Variants in SEMA6D observed in about 807,000 individuals in gnomAD.
The protein encoded by SEMA6D is semaphorin 6D, also known as semaphorin-6D.
In SEMA6D, 35 loss-of-function variants were observed where a neutral mutation model predicts 106.6. The observed-to-expected ratio is 0.33, with a 90% confidence interval of 0.25 to 0.44. The LOEUF is 0.44. Among genes scored for constraint, SEMA6D ranks in the 20% least tolerant of loss-of-function variants. The pLI is 1.00. For synonymous variants in SEMA6D, 499 were observed against 487.7 expected (o/e 1.02, Z -0.31); for missense variants, 1,185 against 1,345.9 (o/e 0.88, Z 1.87).
intron 1 of SEMA6D, among the ~76,000 whole-genome samples, chr15:47,319,073 T>C (rs2036818175): frequency 6.6e-6 from 1 of 152,216 alleles, no homozygotes; most frequent in Non-Finnish European, 1.5e-5. Flanking sequence ...TTCAAGTTTC[T>C]GTCAACATAT....
At chr15:47,283,429 C>T (rs1056015159) in intron 1 of SEMA6D, among the ~76,000 whole-genome samples, 6 of 152,240 alleles carry the variant, frequency 3.9e-5, no homozygotes, top group Admixed American at 6.5e-5. Context: ...TTTGACTTTC[C>T]GTTGGAGGTT....
chr15:47,577,717 T>C (rs1415977326), intron 3 of SEMA6D, among the ~76,000 whole-genome samples: 4 of 152,182 alleles, frequency 2.6e-5, no homozygotes, highest in African/African-American at 9.6e-5. Flanking sequence ...TTGCTTTCCC[T>C]CCCTTACCAT....
At chr15:47,554,239 A>T (rs2045852396) in intron 3 of SEMA6D, among the ~76,000 whole-genome samples, 1 of 152,190 alleles carries the variant, frequency 6.6e-6, no homozygotes, top group African/African-American at 2.4e-5. Flanking sequence ...CTCTATTCGT[A>T]GCCTCTGTAC....
chr15:47,301,467 C>T (rs539320129), intron 1 of SEMA6D, among the ~76,000 whole-genome samples: 22 of 152,288 alleles, frequency 1.4e-4, no homozygotes, highest in Admixed American at 5.9e-4. Flanking sequence ...GGAGCAGAAG[C>T]GACAACAGGT....
At chr15:47,254,805 G>T (rs186605134) in intron 1 of SEMA6D, among the ~76,000 whole-genome samples, 1,774 of 150,714 alleles carry the variant, frequency 0.012, 34 homozygotes, top group Admixed American at 0.012. Flanking sequence ...ATGTGCTGTT[G>T]GATTTGATTT....
chr15:47,598,722 G>A (rs1223100523), intron 3 of SEMA6D, among the ~76,000 whole-genome samples: 1 of 152,084 alleles, frequency 6.6e-6, no homozygotes, highest in Non-Finnish European at 1.5e-5. Context: ...TAATTAGAGT[G>A]TATGTCACCT....
chr15:47,358,751 C>T (rs976704082), intron 1 of SEMA6D, among the ~76,000 whole-genome samples: 5 of 152,192 alleles, frequency 3.3e-5, no homozygotes, highest in Admixed American at 3.3e-4. Flanking sequence ...GCGGAAAGCT[C>T]TGGGGGGACT....
chr15:47,712,799 G>A (rs2079045042), upstream of SEMA6D, among the ~76,000 whole-genome samples: 1 of 152,138 alleles, frequency 6.6e-6, no homozygotes, highest in Admixed American at 6.5e-5. Context: ...GTAGAGAGAA[G>A]TCTGTCAGGA....
chr15:47,386,438 A>C (rs1400009422), intron 1 of SEMA6D, among the ~76,000 whole-genome samples: 1 of 152,210 alleles, frequency 6.6e-6, no homozygotes, highest in East Asian at 1.9e-4. Flanking sequence ...AATGCCTGTG[A>C]GCAAAAATGT....
intron 3 of SEMA6D, among the ~76,000 whole-genome samples, chr15:47,493,911 A>G (rs2043551752): frequency 6.6e-6 from 1 of 152,184 alleles, no homozygotes; most frequent in African/African-American, 2.4e-5. Context: ...AATGGAAGGT[A>G]ATTTGCAAAA....
intron 4 of SEMA6D, among the ~76,000 whole-genome samples, chr15:47,708,120 G>C (rs989236729): frequency 6.6e-6 from 1 of 151,998 alleles, no homozygotes; most frequent in South Asian, 2.1e-4. Context: ...TATATCCTCC[G>C]GCTTGAGACA....
At chr15:47,732,228 G>A (rs1320118223) in intron 1 of SEMA6D, among the ~76,000 whole-genome samples, 2 of 152,208 alleles carry the variant, frequency 1.3e-5, no homozygotes, top group Non-Finnish European at 2.9e-5. Flanking sequence ...AAGTCACATA[G>A]TAAGAAGTCC....
chr15:47,267,735 T>C (rs1045868100), intron 1 of SEMA6D, among the ~76,000 whole-genome samples: 1 of 152,130 alleles, frequency 6.6e-6, no homozygotes, highest in Non-Finnish European at 1.5e-5. Context: ...TTTTATCATC[T>C]TCTTTTTGAA....
At chr15:47,351,944 G>A (rs1445149630) in intron 1 of SEMA6D, among the ~76,000 whole-genome samples, 3 of 152,144 alleles carry the variant, frequency 2.0e-5, no homozygotes, top group Non-Finnish European at 2.9e-5. Flanking sequence ...TGTGTTCTAA[G>A]AGAATAAAAT....
At chr15:47,521,599 C>T (rs1199099701) in intron 3 of SEMA6D, among the ~76,000 whole-genome samples, 1 of 152,188 alleles carries the variant, frequency 6.6e-6, no homozygotes, top group Admixed American at 6.5e-5. Flanking sequence ...ACTACACCAC[C>T]ATTTGCGATT....
chr15:47,488,598 A>G (rs1161198975), intron 3 of SEMA6D, among the ~76,000 whole-genome samples: 2 of 152,180 alleles, frequency 1.3e-5, no homozygotes, highest in South Asian at 2.1e-4. Flanking sequence ...ATGTAGGGCA[A>G]TAGTAGGATG....
intron 1 of SEMA6D, among the ~76,000 whole-genome samples, chr15:47,259,146 G>A (rs988659254): frequency 1.3e-4 from 20 of 152,004 alleles, no homozygotes; most frequent in African/African-American, 3.6e-4. Context: ...ATTTTGTTGC[G>A]TGTCAGATGA....
intron 3 of SEMA6D, among the ~76,000 whole-genome samples, chr15:47,471,176 A>T (rs1005256053): frequency 1.3e-5 from 2 of 152,154 alleles, no homozygotes; most frequent in Non-Finnish European, 2.9e-5. Flanking sequence ...TTCTACGCAC[A>T]CAGTGACACG....
At chr15:47,191,580 G>T (rs1428734984) in intron 1 of SEMA6D, among the ~76,000 whole-genome samples, 1 of 152,026 alleles carries the variant, frequency 6.6e-6, no homozygotes, top group African/African-American at 2.4e-5. Flanking sequence ...ATTGAATGAG[G>T]ACTTACCGTG....
Sources: gnomAD v4.1 joint callset for allele counts (sites outside exome capture counted in the v4.1 genomes callset) on GRCh38, gnomAD v4.1.1 for gene constraint, MANE v1.5 for transcripts, NCBI Gene and HGNC (gene_info 2026-07-23, HGNC 2026-07-21) for gene names.